Variants in ANKRD31 observed in about 807,000 individuals in gnomAD.
ANKRD31 encodes the protein ankyrin repeat domain 31.
In ANKRD31, 147 loss-of-function variants were observed where a neutral mutation model predicts 186.0. That is an observed-to-expected ratio of 0.79 (90% CI 0.69 to 0.91). The LOEUF is 0.91. Among genes scored for constraint, ANKRD31 ranks in the 40% least tolerant of loss-of-function variants. The pLI, the probability that ANKRD31 is intolerant of heterozygous loss-of-function variation, is 0.00. For missense variants in ANKRD31, 1,986 were observed against 2,148.8 expected (o/e 0.92, Z 1.50); for synonymous variants, 673 against 736.4 (o/e 0.91, Z 1.39).
rs1427444346 is a variant in ANKRD31 at position 75,169,100 on chromosome 5, G to A, written c.1586C>T (p.Ala529Val). Residue 529 changes from alanine to valine, a missense_variant, in exon 11 of 26, where the codon GCT (alanine) becomes GTT (valine). By Grantham distance (64) the Ala-to-Val change is moderately conservative. Coordinates refer to ENST00000506364, the MANE Select transcript of ANKRD31 (RefSeq NM_001372053.1). ...SYAGWTALHE[A>V]SVGGFYRTAS... is the part of the protein sequence containing the mutation. ...TGTCCGATAAAATCCTCCTACACTAGCTTCATGAAGTGCTGTCCAACCTAT... is the reference window on the plus strand; with the variant it reads ...TGTCCGATAAAATCCTCCTACACTAACTTCATGAAGTGCTGTCCAACCTAT... The A allele has an allele frequency of 2.0e-6, 3 of 1,536,652 alleles. No homozygotes were observed. In the East Asian group the frequency reaches 7.3e-5, roughly 38 times the overall value.
At chr5:75,222,787 C>CT (rs1382270294) in intron 2 of ANKRD31, among the ~76,000 whole-genome samples, 8 of 152,152 alleles carry the variant, frequency 5.3e-5, no homozygotes, top group Non-Finnish European at 1.0e-4. Flanking sequence ...GATCTCATTC[C>CT]TTTTTGTGGC....
intron 14 of ANKRD31, among the ~76,000 whole-genome samples, chr5:75,144,511 A>T (rs1751287799): frequency 6.6e-6 from 1 of 152,162 alleles, no homozygotes; most frequent in Admixed American, 6.6e-5. Flanking sequence ...CCTATTTAAT[A>T]AATGGTGTTG....
intron 17 of ANKRD31, among the ~76,000 whole-genome samples, chr5:75,123,974 TA>T (rs1018949448): frequency 3.3e-5 from 5 of 151,444 alleles, no homozygotes; most frequent in African/African-American, 1.2e-4. Flanking sequence ...AAGGGAATAA[TA>T]AAAAAAAGTG....
At chr5:75,072,845 G>A (rs1580266475) in intron 25 of ANKRD31, among the ~76,000 whole-genome samples, 1 of 152,110 alleles carries the variant, frequency 6.6e-6, no homozygotes, top group African/African-American at 2.4e-5. Context: ...ATACATGAGG[G>A]CAGATGAATA....
In ANKRD31 at chr5:75,146,649, G is replaced by C; in HGVS notation, c.2762C>G (p.Ser921Cys). 1.3e-6 allele frequency: 2 copies of C among 1,535,996 alleles called. No homozygotes were observed. The highest frequency in any genetic ancestry group is 1.7e-6 in the Non-Finnish European group (2 of 1,146,190). ...KAITSKKVLC[S>C]TGGKKHYNFK... ...ATTATAGTGTTTTTTGCCACCTGTA[G>C]AACACAACACCTTTTTAGATGTTAT... is the stretch of plus-strand genomic sequence containing the variant. Residue 921 changes from serine (S) to cysteine (C), a missense_variant, in exon 14 of 26, where the codon TCT becomes TGT. By Grantham distance (112) the Ser-to-Cys change is moderately radical. Coordinates refer to ENST00000506364, the MANE Select transcript of ANKRD31 (RefSeq NM_001372053.1).
intron 22 of ANKRD31, 144 bp from the exon 23 acceptor site, chr5:75,091,545 A>T: frequency 1.3e-6 from 1 of 783,014 alleles, no homozygotes; most frequent in Non-Finnish European, 1.9e-6. Flanking sequence ...GTATCTAGAA[A>T]TGGTCATAAG....
chr5:75,192,604 G>T, intron 9 of ANKRD31, 63 bp downstream of exon 9: 1 of 1,245,970 alleles, frequency 8.0e-7, no homozygotes, highest in Non-Finnish European at 1.1e-6. Flanking sequence ...GATAATCTCT[G>T]AATCCTTTCT....
Position 75,092,812 on chromosome 5 carries a change from T to C in ANKRD31, c.5332-1411A>G, listed in dbSNP as rs1274208441. Among the ~76,000 whole-genome samples the C allele has an allele frequency of 2.0e-5, 3 of 152,098 alleles. No homozygotes were observed. In the East Asian group the frequency reaches 5.8e-4, roughly 29 times the overall value. ...AACAAAGACTTCAAAATAACCATTA[T>C]AAATATGTTCAAGGAACTAAAGAAA... On this transcript the variant is annotated intron_variant, in intron 22 of 25. Coordinates refer to ENST00000506364, the MANE Select transcript of ANKRD31 (RefSeq NM_001372053.1).
intron 10 of ANKRD31, among the ~76,000 whole-genome samples, chr5:75,174,930 G>A (rs895172429): frequency 1.3e-5 from 2 of 152,186 alleles, no homozygotes; most frequent in Non-Finnish European, 2.9e-5. Context: ...ACATGCACAT[G>A]TATGTTTTTT....
intron 25 of ANKRD31, among the ~76,000 whole-genome samples, chr5:75,078,452 G>A (rs991765268): frequency 2.6e-5 from 4 of 152,128 alleles, no homozygotes; most frequent in Non-Finnish European, 4.4e-5. Flanking sequence ...TTCTGGAAAA[G>A]CATGTGCTAT....
intron 24 of ANKRD31, 59 bp downstream of exon 24, chr5:75,084,213 T>G (rs1745304718): frequency 8.3e-7 from 1 of 1,209,096 alleles, no homozygotes; most frequent in South Asian, 1.4e-5. Flanking sequence ...TGAGTGCTTT[T>G]CCAGTAGGTT....
intron 9 of ANKRD31, 39 bp from the exon 10 acceptor site, chr5:75,188,687 T>C (rs558152344): frequency 2.7e-6 from 4 of 1,474,830 alleles, no homozygotes; most frequent in Admixed American, 2.2e-5. Flanking sequence ...AAATCATTAT[T>C]TGAATATCAG....
intron 10 of ANKRD31, 62 bp from the exon 11 acceptor site, chr5:75,169,183 G>T: frequency 2.0e-6 from 3 of 1,489,386 alleles, no homozygotes; most frequent in Non-Finnish European, 2.7e-6. Context: ...TTTTGTGCTT[G>T]CCCTTAAAAA....
intron 1 of ANKRD31, 90 bp from the exon 2 acceptor site, chr5:75,230,725 T>G: frequency 1.1e-6 from 1 of 932,190 alleles, no homozygotes; most frequent in South Asian, 1.6e-5. Flanking sequence ...ATACCAAAAC[T>G]TGCTAAAATT....
intron 23 of ANKRD31, 127 bp downstream of exon 23, chr5:75,091,134 G>T: frequency 9.4e-7 from 1 of 1,062,550 alleles, no homozygotes; most frequent in Non-Finnish European, 1.3e-6. Context: ...AGCATATACA[G>T]AATGAACACA....
chr5:75,098,939 T>A (rs940960975), intron 22 of ANKRD31, among the ~76,000 whole-genome samples: 1 of 152,232 alleles, frequency 6.6e-6, no homozygotes, highest in Non-Finnish European at 1.5e-5. Context: ...TCCTGCCTGA[T>A]TGCCCTGGCC....
chr5:75,084,994 A>G (rs1308992704), intron 23 of ANKRD31, among the ~76,000 whole-genome samples: 1 of 152,150 alleles, frequency 6.6e-6, no homozygotes, highest in Non-Finnish European at 1.5e-5. Flanking sequence ...TCTGCCAGAA[A>G]TGTTCTGGGC....
chr5:75,113,671 A>C (rs932973944), intron 19 of ANKRD31, among the ~76,000 whole-genome samples: 1 of 152,166 alleles, frequency 6.6e-6, no homozygotes, highest in African/African-American at 2.4e-5. Context: ...CTGAAATTTT[A>C]CTTTGGTGCC....
intron 11 of ANKRD31, among the ~76,000 whole-genome samples, chr5:75,167,246 A>G (rs1472795539): frequency 6.6e-6 from 1 of 152,134 alleles, no homozygotes; most frequent in African/African-American, 2.4e-5. Flanking sequence ...CCATAAAACA[A>G]TTAAGACCTG....
Sources: gnomAD v4.1 joint callset for allele counts (sites outside exome capture counted in the v4.1 genomes callset) on GRCh38, gnomAD v4.1.1 for gene constraint, MANE v1.5 for transcripts, NCBI Gene and HGNC (gene_info 2026-07-23, HGNC 2026-07-21) for gene names.